ZDHHC5: variants seen among roughly 807,000 people sequenced by gnomAD.
ZDHHC5 encodes the protein palmitoyltransferase ZDHHC5.
A neutral mutation model predicts 70.0 loss-of-function variants in ZDHHC5; 22 were observed. The observed-to-expected ratio is 0.31, with a 90% CI of 0.22 to 0.45. The LOEUF is 0.45. Ranked by LOEUF, ZDHHC5 falls within the 20% of genes least tolerant of loss-of-function variation. The pLI is 1.00. For synonymous variants in ZDHHC5, 313 were observed against 347.8 expected (o/e 0.90, Z 1.11); for missense variants, 746 against 926.9 (o/e 0.80, Z 2.53).
Position 57,698,668 on chromosome 11 carries a change from C to G in ZDHHC5, c.1232C>G (p.Thr411Ser). The G allele has an allele frequency of 6.2e-7, 1 of 1,614,208 alleles. No individual in the cohort carries two copies. The highest frequency in any genetic ancestry group is 8.5e-7 in the Non-Finnish European group (1 of 1,180,044). ...GAACCAGAGAGCTTCCGTTCTCCTACCTTTGGCAAAAGTTTTCACTTCGAT... is the reference window on the plus strand; with the variant it reads ...GAACCAGAGAGCTTCCGTTCTCCTAGCTTTGGCAAAAGTTTTCACTTCGAT... ...SLEPESFRSP[T>S]FGKSFHFDPL... The change falls in exon 11 of 12, where the codon ACC (threonine) becomes AGC (serine). Residue 411 changes from threonine to serine, a missense_variant. Transcript: ENST00000287169.
At position 57,700,015 on chromosome 11, in the gene ZDHHC5, A is replaced by G. The variant is rs1183660824; in HGVS notation, c.2132A>G (p.Tyr711Cys). 6.3e-7 allele frequency: 1 copy of G among 1,593,022 alleles called. No individual in the cohort carries two copies. Among genetic ancestry groups the G allele is most frequent in the Non-Finnish European group, 8.5e-7 (1 of 1,169,876 alleles). The part of the protein sequence containing the change: ...KKVSGVGGTT[Y>C]EISV ...GTGTCAGGGGTTGGTGGTACCACCT[A>G]TGAGATTTCGGTGTGAGCCTTCGGC... The change falls in exon 12 of 12, where the codon TAT becomes TGT. Residue 711 changes from tyrosine (Y) to cysteine (C), a missense_variant. Physicochemically the swap from Tyr to Cys is radical, Grantham distance 194. This residue lies in a region of ZDHHC5 where 340 missense variants were observed against 350.1 expected (regional missense o/e 0.97). Transcript: ENST00000287169.
intron 7 of ZDHHC5, among the ~76,000 whole-genome samples, chr11:57,693,135 C>T (rs1229005387): frequency 1.3e-5 from 2 of 152,088 alleles, no homozygotes; most frequent in Admixed American, 6.6e-5. Flanking sequence ...GGTGAAACCC[C>T]TTCTCTACTC....
intron 9 of ZDHHC5, among the ~76,000 whole-genome samples, chr11:57,696,545 G>C (rs1404366254): frequency 6.6e-6 from 1 of 151,904 alleles, no homozygotes; most frequent in East Asian, 1.9e-4. Context: ...GCAAGACTCT[G>C]TCTCTACAAA....
chr11:57,677,159 G>A (rs1946082562), intron 2 of ZDHHC5, among the ~76,000 whole-genome samples: 1 of 150,854 alleles, frequency 6.6e-6, no homozygotes, highest in Admixed American at 6.6e-5. Context: ...CTGGCCTCGT[G>A]ATCTGCCCGC....
chr11:57,673,640 G>A (rs1379964072), intron 2 of ZDHHC5, among the ~76,000 whole-genome samples: 3 of 152,114 alleles, frequency 2.0e-5, no homozygotes, highest in African/African-American at 2.4e-5. Flanking sequence ...TCGCGGTCTC[G>A]GCTCACTGCA....
At chr11:57,694,535 T>A (rs1590870004) in intron 8 of ZDHHC5, among the ~76,000 whole-genome samples, 1 of 152,090 alleles carries the variant, frequency 6.6e-6, no homozygotes, top group East Asian at 1.9e-4. Flanking sequence ...CTAATTTTTT[T>A]ATTTTCAGTA....
At position 57,700,616 on chromosome 11, in the gene ZDHHC5, T is replaced by C. The variant is rs931994591; in HGVS notation, c.*585T>C. The C allele has an allele frequency of 2.6e-5, 4 of 152,546 alleles. No homozygotes were observed. Among genetic ancestry groups the C allele is most frequent in the African/African-American group, 9.7e-5 (4 of 41,420 alleles). 9.4% of individuals were successfully genotyped at this position (152,546 alleles called of 1,614,324 possible). The stretch of plus-strand genomic sequence containing the variant: ...TACTAACTACGGAAATAGCATCCTC[T>C]GCTGGTGCTAAGTGTGATTAGGAAG... On this transcript the variant is annotated 3_prime_UTR_variant, in exon 12 of 12. Coordinates refer to ENST00000287169, the MANE Select transcript of ZDHHC5 (RefSeq NM_015457.3).
rs528931926 is a variant in ZDHHC5, at chr11:57,668,459, A to AGCCGCCGCCCCTTCCGCCCC, written c.-1071+273_-1071+292dup. 3.4e-3 allele frequency: 518 copies of AGCCGCCGCCCCTTCCGCCCC among 153,088 alleles called. 2 individuals carry two copies. Among genetic ancestry groups the AGCCGCCGCCCCTTCCGCCCC allele is most frequent in the Non-Finnish European group, 5.9e-3 (403 of 68,636 alleles). 9.5% of individuals were successfully genotyped at this position (153,088 alleles called of 1,614,324 possible). A position where few individuals can be genotyped will look rare whatever the true frequency, so the allele number is the denominator to read the frequency against. ...CCGCGGTCCCCGGTGCCTGGCGCCC[A>AGCCGCCGCCCCTTCCGCCCC]GCCGCCGCCCCTTCCGCCCCCGGCC... On this transcript the variant is annotated intron_variant, in intron 1 of 11. Coordinates refer to ENST00000287169, the MANE Select transcript of ZDHHC5 (RefSeq NM_015457.3).
intron 6 of ZDHHC5, among the ~76,000 whole-genome samples, chr11:57,691,880 G>T (rs1946289760): frequency 6.6e-6 from 1 of 151,930 alleles, no homozygotes; most frequent in African/African-American, 2.4e-5. Flanking sequence ...TTTAGGCTCT[G>T]AGTTTATAGA....
chr11:57,698,185 TA>T (rs1257956325), intron 10 of ZDHHC5, among the ~76,000 whole-genome samples: 6 of 150,022 alleles, frequency 4.0e-5, no homozygotes, highest in South Asian at 2.1e-4. Flanking sequence ...AAAAGAAGAT[TA>T]GGGGAAGGAA....
rs573000641 is a variant in ZDHHC5, at chr11:57,683,487, A to G, written c.226+944A>G. Among the ~76,000 whole-genome samples, 3 of 152,354 alleles carry G rather than the reference A, an allele frequency of 2.0e-5. No homozygotes were observed. The South Asian group carries it at 6.2e-4, about 32-fold the overall frequency. On this transcript the variant is annotated intron_variant, in intron 3 of 11. Transcript: ENST00000287169. The stretch of plus-strand genomic sequence containing the variant: ...ATTATCTAGAGTAGTTTCAAGGTTC[A>G]TAACTGGGAGATAAGTTGGATACTG...
At position 57,696,026 on chromosome 11, in the gene ZDHHC5, G is replaced by T. The variant is rs1380196118; in HGVS notation, c.992G>T (p.Gly331Val). Reference sequence around the variant, plus strand: ...TACACAGGGTTGCGAACACACCTCGGCTTGGCTACTAATGAGGGTAAGGGC... The same window carrying T: ...TACACAGGGTTGCGAACACACCTCGTCTTGGCTACTAATGAGGGTAAGGGC... ...SRYTGLRTHL[G>V]LATNEDSSLL... Residue 331 changes from glycine to valine, a missense_variant, in exon 9 of 12, where the codon GGC (glycine) becomes GTC (valine). Physicochemically the swap from Gly to Val is moderately radical, Grantham distance 109. Around this residue, in one of 6 missense-constraint regions of ZDHHC5, gnomAD observed 179 missense variants for 178.4 expected, o/e 1.00. Transcript: ENST00000287169. The T allele has an allele frequency of 6.2e-7, 1 of 1,613,064 alleles. No homozygotes were observed.
In ZDHHC5 at chr11:57,700,558, T is replaced by G. The variant is rs913374157; in HGVS notation, c.*527T>G. 1 of 152,468 alleles carries G rather than the reference T, an allele frequency of 6.6e-6. No individual in the cohort carries two copies. The highest frequency in any genetic ancestry group is 1.5e-5 in the Non-Finnish European group (1 of 68,016). The allele number at this position is 152,468 out of a possible 1,614,324, so 9.4% of individuals were successfully genotyped here. On this transcript the variant is annotated 3_prime_UTR_variant, in exon 12 of 12. Transcript: ENST00000287169. ...CAGGAAAAGAGGGGAGACGTCAGTC[T>G]TTTTCCTGTGGTTCCCTCTCATTTG... is the stretch of plus-strand genomic sequence containing the variant.
rs757908057 is a variant in ZDHHC5 at position 57,670,963 on chromosome 11, C to T, written c.-1070-1058C>T. Among the ~76,000 whole-genome samples, 12 of 151,960 alleles carry T rather than the reference C, an allele frequency of 7.9e-5. No homozygotes were observed. The South Asian group carries it at 8.3e-4, about 11-fold the overall frequency. ...GTAGCTGGGACTACAGGCGCCCGCC[C>T]GGCTAATTTTTGTATTTTTAGTAGA... is the stretch of plus-strand genomic sequence containing the variant. On this transcript the variant is annotated intron_variant, in intron 1 of 11. Transcript: ENST00000287169.
Position 57,682,362 on chromosome 11 carries a change from T to G in ZDHHC5, c.105-60T>G, listed in dbSNP as rs141985468. 2,427 of 1,546,670 alleles carry G rather than the reference T, an allele frequency of 1.6e-3. 3 individuals are homozygous for G. Among genetic ancestry groups the G allele is most frequent in the Non-Finnish European group, 2.0e-3 (2,283 of 1,143,036 alleles). Reference sequence around the variant, plus strand: ...GGCTAAGTCTTTACAGATTTTTGTATGTATGGTTCGTGTCCAAAATATTAG... The same window carrying G: ...GGCTAAGTCTTTACAGATTTTTGTAGGTATGGTTCGTGTCCAAAATATTAG... On this transcript the variant is annotated intron_variant, in intron 2 of 11. Transcript: ENST00000287169.
At chr11:57,681,312 C>T (rs1270622497) in intron 2 of ZDHHC5, among the ~76,000 whole-genome samples, 1 of 152,142 alleles carries the variant, frequency 6.6e-6, no homozygotes, top group Admixed American at 6.5e-5. Context: ...TTCTCCTGTC[C>T]TCTTCTTCCT....
At position 57,688,334 on chromosome 11, in the gene ZDHHC5, C is replaced by T. The variant is rs1946238031; in HGVS notation, c.227-174C>T. Among the ~76,000 whole-genome samples, 2 of 152,134 alleles carry T rather than the reference C, an allele frequency of 1.3e-5. 1 individual carries two copies. The highest frequency in any genetic ancestry group is 4.1e-4 in the South Asian group (2 of 4,820). ...ATAAATTGCTCCCTCATCCATGTTC[C>T]CATAGTGTTGTATAAAGACCTGACC... is the stretch of plus-strand genomic sequence containing the variant. On this transcript the variant is annotated intron_variant, in intron 3 of 11. Coordinates refer to ENST00000287169, the MANE Select transcript of ZDHHC5 (RefSeq NM_015457.3).
intron 3 of ZDHHC5, among the ~76,000 whole-genome samples, chr11:57,685,635 G>A (rs1374377718): frequency 6.6e-6 from 1 of 151,836 alleles, no homozygotes; most frequent in East Asian, 1.9e-4. Flanking sequence ...GGCGATAAGA[G>A]CAAAACTCCA....
chr11:57,679,382 G>A (rs898136818), intron 2 of ZDHHC5, among the ~76,000 whole-genome samples: 5 of 152,026 alleles, frequency 3.3e-5, no homozygotes, highest in African/African-American at 4.8e-5. Flanking sequence ...GGCTGGTCTC[G>A]AACTCCTGAC....
Sources: gnomAD v4.1 joint callset for allele counts (sites outside exome capture counted in the v4.1 genomes callset) on GRCh38, gnomAD v4.1.1 for gene constraint, gnomAD v4.1.1 regional missense constraint, MANE v1.5 for transcripts, NCBI Gene and HGNC (gene_info 2026-07-23, HGNC 2026-07-21) for gene names.